Variants in ATAD3B observed in about 807,000 individuals in gnomAD.
The protein encoded by ATAD3B is ATPase family AAA domain-containing protein 3B.
Under a neutral mutation model 70.2 loss-of-function variants are expected in ATAD3B, and 59 were observed. The ratio of observed to expected loss-of-function variants is 0.84; its 90% CI spans 0.68 to 1.04. The LOEUF is 1.04. ATAD3B is among the 50% of genes least tolerant of loss of function. ATAD3B has a pLI of 0.00. For missense variants in ATAD3B, 961 were observed against 913.4 expected (o/e 1.05, Z -0.67); for synonymous variants, 423 against 388.6 (o/e 1.09, Z -1.04).
intron 3 of ATAD3B, 78 bp downstream of exon 3, chr1:1,478,823 G>A: frequency 4.3e-6 from 5 of 1,158,026 alleles, no homozygotes; most frequent in Non-Finnish European, 5.9e-6. Context: ...GCTGGGTGTG[G>A]TCCCGGGGCA....
chr1:1,501,927 G>T (rs1640953801), downstream of ATAD3B, among the ~76,000 whole-genome samples: 1 of 151,930 alleles, frequency 6.6e-6, no homozygotes, highest in South Asian at 2.1e-4. Flanking sequence ...CGCCGAGGCT[G>T]GAGTATAGTG....
intron 5 of ATAD3B, among the ~76,000 whole-genome samples, 161 bp from the exon 6 acceptor site, chr1:1,481,977 T>A (rs905059967): frequency 7.3e-6 from 1 of 136,868 alleles, no homozygotes; most frequent in Non-Finnish European, 1.5e-5. Flanking sequence ...TCCGTGGCCT[T>A]AGCCTGTTGG....
Position 1,486,453 on chromosome 1 carries a change from C to T in ATAD3B, c.1090-91C>T, listed in dbSNP as rs1013173944. The T allele has an allele frequency of 6.5e-5, 105 of 1,606,882 alleles. 2 individuals carry two copies. The highest frequency in any genetic ancestry group is 7.6e-5 in the Non-Finnish European group (90 of 1,178,088). ...GCTGTGGCTTCCAGACAGGGACACC[C>T]GGCAGGGGCTCCACACTCCAGGTGG... On this transcript the variant is annotated intron_variant, in intron 10 of 15. Transcript: ENST00000673477.
chr1:1,504,631 C>G, the ATAD3B span, among the ~76,000 whole-genome samples: 5 of 150,536 alleles, frequency 3.3e-5, no homozygotes, highest in South Asian at 1.1e-3. Context: ...GCCTCAGCAA[C>G]AAGAGGGAAA....
At chr1:1,495,214 G>A (rs1276566796) in intron 15 of ATAD3B, among the ~76,000 whole-genome samples, 1 of 152,008 alleles carries the variant, frequency 6.6e-6, no homozygotes, top group African/African-American at 2.4e-5. Flanking sequence ...TGGGTCAGCC[G>A]TCAGTGGTGC....
intron 4 of ATAD3B, among the ~76,000 whole-genome samples, chr1:1,480,315 C>G (rs1639843806): frequency 6.9e-6 from 1 of 145,634 alleles, no homozygotes; most frequent in Admixed American, 7.0e-5. Context: ...AGCAGCGGCT[C>G]TCCAGGCACG....
chr1:1,478,911 G>T, intron 3 of ATAD3B, 138 bp from the exon 4 acceptor site: 1 of 707,168 alleles, frequency 1.4e-6, no homozygotes, highest in Non-Finnish European at 2.2e-6. Context: ...CCTCACTGCT[G>T]AGCCGGACGG....
In ATAD3B at chr1:1,480,467, C is replaced by A. The variant is rs1045723630; in HGVS notation, c.445-400C>A. Reference sequence around the variant, plus strand: ...CATCTGTTCCCTGGTCCTTAGGGACCGTCACCTTCAGTCCTGAGCTCGCAG... The same window carrying A: ...CATCTGTTCCCTGGTCCTTAGGGACAGTCACCTTCAGTCCTGAGCTCGCAG... On this transcript the variant is annotated intron_variant, in intron 4 of 15. Transcript: ENST00000673477. Among the ~76,000 whole-genome samples, 3 of 147,088 alleles carry A rather than the reference C, an allele frequency of 2.0e-5. 1 individual carries two copies. Among genetic ancestry groups the A allele is most frequent in the Non-Finnish European group, 4.5e-5 (3 of 67,126 alleles).
Position 1,480,854 on chromosome 1 carries a change from G to T in ATAD3B, c.445-13G>T, listed in dbSNP as rs760092033. 3.8e-6 allele frequency: 6 copies of T among 1,592,756 alleles called. No homozygotes were observed. Among genetic ancestry groups the T allele is most frequent in the Non-Finnish European group, 5.1e-6 (6 of 1,171,396 alleles). ...TTTAAAGGCTTTTCTCTTTTTCTGC[G>T]GCTTCTTCTCAGCAACTTCTCAATG... On this transcript the variant is annotated splice_polypyrimidine_tract_variant and intron_variant, in intron 4 of 15. Transcript: ENST00000673477.
chr1:1,491,455 G>A (rs747206802), intron 15 of ATAD3B, among the ~76,000 whole-genome samples: 4 of 151,858 alleles, frequency 2.6e-5, no homozygotes, highest in African/African-American at 7.3e-5. Context: ...TGCTTGACCC[G>A]GGGAGTTGGA....
Position 1,490,715 on chromosome 1 carries a change from G to T in ATAD3B, c.1614+44G>T, listed in dbSNP as rs539122305. The T allele has an allele frequency of 7.8e-6, 12 of 1,543,988 alleles. No individual in the cohort carries two copies. In the African/African-American group the frequency reaches 1.5e-4, roughly 19 times the overall value. ...CGTCCACCCAGACGGGACCCCAGCTGCTGTGGAGATGCTCAGTTGCGCCAG... is the reference window on the plus strand; with the variant it reads ...CGTCCACCCAGACGGGACCCCAGCTTCTGTGGAGATGCTCAGTTGCGCCAG... On this transcript the variant is annotated intron_variant, in intron 15 of 15. Coordinates refer to ENST00000673477, the MANE Select transcript of ATAD3B (RefSeq NM_031921.6).
At chr1:1,491,701 T>A (rs542024701) in intron 15 of ATAD3B, among the ~76,000 whole-genome samples, 1 of 152,104 alleles carries the variant, frequency 6.6e-6, no homozygotes, top group East Asian at 1.9e-4. Context: ...GAGTGACAGC[T>A]TAATGAAGTA....
chr1:1,485,713 G>T (rs1640171158), intron 8 of ATAD3B, 69 bp from the exon 9 acceptor site: 19 of 1,601,334 alleles, frequency 1.2e-5, no homozygotes, highest in Non-Finnish European at 1.6e-5. Flanking sequence ...CCGAGCATGT[G>T]TGTGCGTTGG....
At chr1:1,507,708 G>T in the ATAD3B span, among the ~76,000 whole-genome samples, 2 of 152,342 alleles carry the variant, frequency 1.3e-5, no homozygotes, top group East Asian at 3.9e-4. Context: ...TTCCTAGGAT[G>T]AGTGAGGAAA....
At chr1:1,485,999 T>A in intron 9 of ATAD3B, 111 bp from the exon 10 acceptor site, 1 of 1,592,244 alleles carries the variant, frequency 6.3e-7, no homozygotes, top group Admixed American at 1.7e-5. Context: ...GCCCACGAGC[T>A]GGGCGGCTTC....
At position 1,495,606 on chromosome 1, in the gene ATAD3B, G is replaced by A. The variant is rs1216750068; in HGVS notation, c.1736G>A (p.Arg579His). The change falls in exon 16 of 16, where the codon CGC (arginine) becomes CAC (histidine). Residue 579 changes from arginine (R) to histidine (H), a missense_variant. Coordinates refer to ENST00000673477, the MANE Select transcript of ATAD3B (RefSeq NM_031921.6). ...TGGCTGAAGGCGGAGGGGCCTGGGC[G>A]CGGGGTCGAGCACCCCCTATCCGGA... ...MRWLKAEGPGRGVEHPLSGVQ... is the reference protein window; with the variant it reads ...MRWLKAEGPGHGVEHPLSGVQ... 20 of 1,613,070 alleles carry A rather than the reference G, an allele frequency of 1.2e-5. No homozygotes were observed. Among genetic ancestry groups the A allele is most frequent in the Middle Eastern group, 1.7e-4 (1 of 6,060 alleles).
the ATAD3B span, among the ~76,000 whole-genome samples, chr1:1,503,072 A>C: frequency 2.6e-5 from 4 of 151,320 alleles, no homozygotes; most frequent in African/African-American, 9.7e-5. Flanking sequence ...AAAATACAAA[A>C]AGTAGCTGGG....
intron 13 of ATAD3B, 50 bp from the exon 14 acceptor site, chr1:1,490,207 G>C (rs1292037273): frequency 3.1e-6 from 5 of 1,593,912 alleles, no homozygotes; most frequent in African/African-American, 1.3e-5. Context: ...TGCCCTCGGG[G>C]CATCTCAGCT....
At chr1:1,498,968 C>CTTTTTTTTTTTTTTTTTTT (rs377252484), downstream of ATAD3B, among the ~76,000 whole-genome samples, 1 of 140,746 alleles carries the variant, frequency 7.1e-6, no homozygotes, top group African/African-American at 2.6e-5. Flanking sequence ...TGTGGTTCCT[C>CTTTTTTTTTTTTTTTTTTT]TTTTTTTTTT....
Sources: gnomAD v4.1 joint callset for allele counts (sites outside exome capture counted in the v4.1 genomes callset) on GRCh38, gnomAD v4.1.1 for gene constraint, MANE v1.5 for transcripts, NCBI Gene and HGNC (gene_info 2026-07-23, HGNC 2026-07-21) for gene names.